QTMAN: variants seen among roughly 807,000 people sequenced by gnomAD.
The protein encoded by QTMAN is tRNA-queuosine alpha-mannosyltransferase.
chr2:144,189,343 C>G, the QTMAN span, among the ~76,000 whole-genome samples: 1 of 152,140 alleles, frequency 6.6e-6, no homozygotes, highest in Non-Finnish European at 1.5e-5. Context: ...CAGGGCAGGG[C>G]TATCCCCTAA....
chr2:144,123,814 G>A, the QTMAN span, among the ~76,000 whole-genome samples: 3 of 152,078 alleles, frequency 2.0e-5, no homozygotes, highest in Non-Finnish European at 2.9e-5. Context: ...CTAAATTAGA[G>A]TGCAAGAAGA....
chr2:144,250,184 G>A, the QTMAN span, among the ~76,000 whole-genome samples: 1 of 149,982 alleles, frequency 6.7e-6, no homozygotes, highest in African/African-American at 2.5e-5. Context: ...CGCCCAGGCT[G>A]GAGTGGAATG....
At chr2:143,941,878 A>G in the QTMAN span, 1 of 152,216 alleles carries the variant, frequency 6.6e-6, no homozygotes. Flanking sequence ...TGACAATGAT[A>G]ACATCCCATG....
At chr2:144,298,976 T>C in the QTMAN span, among the ~76,000 whole-genome samples, 2 of 152,142 alleles carry the variant, frequency 1.3e-5, no homozygotes, top group African/African-American at 4.8e-5. Flanking sequence ...ACTGCTGGGA[T>C]CTTCTTGCCC....
the QTMAN span, among the ~76,000 whole-genome samples, chr2:144,332,109 G>A: frequency 6.6e-6 from 1 of 152,182 alleles, no homozygotes; most frequent in East Asian, 1.9e-4. Context: ...AAACCAGCAC[G>A]CACGACATGT....
chr2:144,100,206 C>A, the QTMAN span, among the ~76,000 whole-genome samples: 2 of 152,122 alleles, frequency 1.3e-5, no homozygotes, highest in Admixed American at 1.3e-4. Flanking sequence ...TACTTCTGGC[C>A]CAAGTTCTGC....
the QTMAN span, among the ~76,000 whole-genome samples, chr2:144,330,155 A>G: frequency 1.3e-5 from 2 of 152,246 alleles, no homozygotes; most frequent in Non-Finnish European, 2.9e-5. Flanking sequence ...CATGCATCAC[A>G]TGACATTTCA....
the QTMAN span, chr2:144,145,806 T>C: frequency 7.6e-7 from 1 of 1,322,756 alleles, no homozygotes; most frequent in Non-Finnish European, 1.1e-6. Flanking sequence ...TTTGCTCTTC[T>C]CTCCTCTTTC....
the QTMAN span, among the ~76,000 whole-genome samples, chr2:144,201,337 A>G: frequency 1.5e-4 from 23 of 152,226 alleles, no homozygotes; most frequent in African/African-American, 5.5e-4. Context: ...AGGCAGGAAA[A>G]AGCTTGATGT....
the QTMAN span, among the ~76,000 whole-genome samples, chr2:144,180,538 G>A: frequency 2.6e-4 from 39 of 152,190 alleles, no homozygotes; most frequent in Admixed American, 1.4e-3. Context: ...CAGTAAAGAT[G>A]GTATTTTTGA....
chr2:144,269,177 T>C, the QTMAN span, among the ~76,000 whole-genome samples: 2 of 152,216 alleles, frequency 1.3e-5, no homozygotes, highest in Non-Finnish European at 1.5e-5. Context: ...ATACGCTAAC[T>C]GATATTTGAT....
At chr2:144,239,133 C>T in the QTMAN span, among the ~76,000 whole-genome samples, 1 of 144,886 alleles carries the variant, frequency 6.9e-6, no homozygotes. Context: ...GCTTAGACAA[C>T]CAAAAAGACA....
At chr2:144,305,344 T>C in the QTMAN span, among the ~76,000 whole-genome samples, 10 of 152,214 alleles carry the variant, frequency 6.6e-5, no homozygotes, top group Non-Finnish European at 1.2e-4. Context: ...CCCAGCACCA[T>C]CTGTTGAAAA....
the QTMAN span, among the ~76,000 whole-genome samples, chr2:144,043,327 A>C: frequency 1.3e-5 from 2 of 152,138 alleles, no homozygotes; most frequent in Admixed American, 6.5e-5. Context: ...AATATAAAAC[A>C]AACAGGTCCT....
At chr2:144,230,577 C>T in the QTMAN span, among the ~76,000 whole-genome samples, 3 of 152,046 alleles carry the variant, frequency 2.0e-5, no homozygotes, top group African/African-American at 7.2e-5. Flanking sequence ...AACACTTTTA[C>T]AGGGGCATAT....
At chr2:144,214,177 C>A in the QTMAN span, among the ~76,000 whole-genome samples, 520 of 152,188 alleles carry the variant, frequency 3.4e-3, 3 homozygotes, top group Non-Finnish European at 6.4e-3. Context: ...TTTTGCTAAA[C>A]AACTTTCCTC....
At chr2:144,071,194 G>GTT in the QTMAN span, among the ~76,000 whole-genome samples, 6 of 138,010 alleles carry the variant, frequency 4.3e-5, no homozygotes, top group African/African-American at 5.3e-5. Context: ...TACTGCCACT[G>GTT]TTTTTTTTTT....
the QTMAN span, among the ~76,000 whole-genome samples, chr2:144,174,820 G>A: frequency 6.6e-6 from 1 of 152,144 alleles, no homozygotes; most frequent in Non-Finnish European, 1.5e-5. Context: ...CCCCAGCCAT[G>A]TGGAACTGTG....
chr2:143,973,351 T>G, the QTMAN span, among the ~76,000 whole-genome samples: 5 of 152,206 alleles, frequency 3.3e-5, no homozygotes, highest in African/African-American at 1.2e-4. Flanking sequence ...TTCTAAAAAT[T>G]ATTACTTATA....
Sources: gnomAD v4.1 joint callset for allele counts (sites outside exome capture counted in the v4.1 genomes callset) on GRCh38, gnomAD v4.1.1 for gene constraint, MANE v1.5 for transcripts, NCBI Gene and HGNC (gene_info 2026-07-23, HGNC 2026-07-21) for gene names.